Variants in CDH12 observed in about 807,000 individuals in gnomAD.
The protein encoded by CDH12 is cadherin 12.
CDH12 carries 41 observed loss-of-function variants against 74.1 expected under a neutral mutation model. That is an observed-to-expected ratio of 0.55 (90% confidence interval 0.43 to 0.72). The LOEUF (loss-of-function observed/expected upper bound fraction) is 0.72, where lower values mean the gene tolerates loss of function less well. CDH12 is among the 30% of genes least tolerant of loss of function. The pLI is 0.00. For synonymous variants in CDH12, 399 were observed against 355.0 expected (o/e 1.12, Z -1.39); for missense variants, 945 against 977.2 (o/e 0.97, Z 0.44).
chr5:21,946,244 A>G (rs1187802757), intron 6 of CDH12, among the ~76,000 whole-genome samples: 2 of 152,174 alleles, frequency 1.3e-5, no homozygotes, highest in African/African-American at 2.4e-5. Context: ...TTGCTAACAA[A>G]CTTACCTTTA....
At chr5:22,278,124 A>C (rs1736721948) in intron 3 of CDH12, 1 of 152,236 alleles carries the variant, frequency 6.6e-6, no homozygotes. Context: ...GAAACACTAC[A>C]ATATTTCTTA....
chr5:22,849,900 T>A (rs576012241), intron 1 of CDH12, among the ~76,000 whole-genome samples: 1 of 152,232 alleles, frequency 6.6e-6, no homozygotes, highest in Admixed American at 6.5e-5. Flanking sequence ...GAAGATTTAA[T>A]TTATCCCTTA....
At chr5:22,438,862 A>G (rs1364848861) in intron 2 of CDH12, among the ~76,000 whole-genome samples, 3 of 151,908 alleles carry the variant, frequency 2.0e-5, no homozygotes, top group African/African-American at 7.2e-5. Flanking sequence ...ATTGAATAAT[A>G]TCATTTTAGA....
chr5:22,503,982 A>C (rs1736281541), intron 2 of CDH12, among the ~76,000 whole-genome samples: 1 of 152,078 alleles, frequency 6.6e-6, no homozygotes, highest in Non-Finnish European at 1.5e-5. Flanking sequence ...CAAAGTGTTC[A>C]CTTCTCTTAT....
intron 8 of CDH12, among the ~76,000 whole-genome samples, chr5:21,832,928 C>T (rs371891570): frequency 0.27 from 23,695 of 87,244 alleles, 3,283 homozygotes; most frequent in African/African-American, 0.46. Context: ...TAATATATAT[C>T]ATATATTATA....
At chr5:22,618,370 G>A (rs1737793801) in intron 1 of CDH12, among the ~76,000 whole-genome samples, 1 of 152,082 alleles carries the variant, frequency 6.6e-6, no homozygotes, top group Non-Finnish European at 1.5e-5. Context: ...ACATTACAAG[G>A]ACCTACAGTA....
intron 3 of CDH12, among the ~76,000 whole-genome samples, chr5:22,286,917 T>G (rs115823793): frequency 0.013 from 1,970 of 152,300 alleles, 50 homozygotes; most frequent in African/African-American, 0.044. Context: ...CCTTCCTGTC[T>G]CTGAGTTACA....
In CDH12 at chr5:21,986,995, A is replaced by T. The variant is rs1757544800; in HGVS notation, c.232-11610T>A. 2.0e-5 allele frequency among the ~76,000 whole-genome samples: 3 copies of T among 152,236 alleles called. No homozygotes were observed. The South Asian group carries it at 6.2e-4, about 32-fold the overall frequency. On this transcript the variant is annotated intron_variant, in intron 5 of 14. Coordinates refer to ENST00000382254, the MANE Select transcript of CDH12 (RefSeq NM_004061.5). ...TAATTTTAAAAACTATATGTCCTAC[A>T]CTAATTTATTTGCATATGCACTTAA... is the stretch of plus-strand genomic sequence containing the variant.
intron 1 of CDH12, among the ~76,000 whole-genome samples, chr5:22,570,057 T>G (rs1739469619): frequency 1.3e-5 from 2 of 151,748 alleles, no homozygotes; most frequent in Admixed American, 6.6e-5. Context: ...ATTTATTTAT[T>G]TATTTATTTA....
intron 4 of CDH12, among the ~76,000 whole-genome samples, chr5:22,192,279 A>G (rs182950904): frequency 4.5e-4 from 69 of 152,328 alleles, no homozygotes; most frequent in African/African-American, 1.6e-3. Flanking sequence ...CTTTGAAGAT[A>G]TACACATAAT....
chr5:22,134,087 G>T (rs1383093745), intron 4 of CDH12, among the ~76,000 whole-genome samples: 1 of 152,040 alleles, frequency 6.6e-6, no homozygotes, highest in Non-Finnish European at 1.5e-5. Context: ...ATAATATTTT[G>T]TTTCATTATG....
chr5:21,977,614 T>C (rs571890979), intron 5 of CDH12, among the ~76,000 whole-genome samples: 2 of 152,268 alleles, frequency 1.3e-5, no homozygotes, highest in East Asian at 3.9e-4. Flanking sequence ...TTTCTGTATT[T>C]AGCTAAAATC....
chr5:22,452,035 T>C (rs1285519076), intron 2 of CDH12, among the ~76,000 whole-genome samples: 1 of 151,884 alleles, frequency 6.6e-6, no homozygotes, highest in Non-Finnish European at 1.5e-5. Context: ...AATATCGCTA[T>C]AATGAAAATG....
chr5:22,310,090 G>A (rs1217100664), intron 3 of CDH12, among the ~76,000 whole-genome samples: 5 of 151,910 alleles, frequency 3.3e-5, no homozygotes, highest in Non-Finnish European at 7.4e-5. Context: ...CATGGCACAT[G>A]TATACTTATG....
intron 5 of CDH12, among the ~76,000 whole-genome samples, chr5:22,048,354 G>A (rs950957586): frequency 6.6e-6 from 1 of 152,134 alleles, no homozygotes; most frequent in African/African-American, 2.4e-5. Context: ...TAACAGTGTA[G>A]TACATCCATC....
At chr5:22,638,494 T>C (rs1738956718) in intron 1 of CDH12, among the ~76,000 whole-genome samples, 1 of 152,088 alleles carries the variant, frequency 6.6e-6, no homozygotes, top group Non-Finnish European at 1.5e-5. Context: ...CCTGCTTTCA[T>C]TCTAGCTGTC....
At chr5:22,070,831 C>T (rs942869386) in intron 5 of CDH12, among the ~76,000 whole-genome samples, 11 of 152,214 alleles carry the variant, frequency 7.2e-5, no homozygotes, top group Middle Eastern at 6.8e-3. Flanking sequence ...TTTGCAGGGA[C>T]GTGGAAGGAC....
At chr5:22,507,212 A>C (rs1275245515) in intron 1 of CDH12, among the ~76,000 whole-genome samples, 1 of 152,138 alleles carries the variant, frequency 6.6e-6, no homozygotes, top group African/African-American at 2.4e-5. Context: ...AAAGGACTTG[A>C]GGAGATATAT....
chr5:22,166,294 T>G (rs1748677719), intron 4 of CDH12, among the ~76,000 whole-genome samples: 1 of 152,214 alleles, frequency 6.6e-6, no homozygotes, highest in South Asian at 2.1e-4. Flanking sequence ...CCTAGTTAGA[T>G]AGTAGCTTCT....
Sources: allele counts gnomAD v4.1 joint callset (sites outside exome capture counted in the v4.1 genomes callset), GRCh38; gene constraint gnomAD v4.1.1; transcripts MANE v1.5; gene names NCBI Gene and HGNC (gene_info 2026-07-23, HGNC 2026-07-21).